The following FGGY variants were observed in gnomAD, a reference collection of about 807,000 sequenced individuals.
The protein encoded by FGGY is FGGY carbohydrate kinase domain containing, also known as FGGY carbohydrate kinase domain-containing protein.
In FGGY, 72 loss-of-function variants were observed where a neutral mutation model predicts 71.3. The ratio of observed to expected loss-of-function variants is 1.01; its 90% CI spans 0.84 to 1.23. FGGY has a LOEUF of 1.23. Among genes scored for constraint, FGGY ranks in the 50% most tolerant of loss-of-function variants. The pLI is 0.00. For synonymous variants in FGGY, 251 were observed against 250.3 expected (o/e 1.00, Z -0.02); for missense variants, 668 against 682.3 (o/e 0.98, Z 0.23).
chr1:59,468,059 A>T (rs1024205569), intron 6 of FGGY, among the ~76,000 whole-genome samples: 12 of 151,998 alleles, frequency 7.9e-5, no homozygotes, highest in African/African-American at 2.9e-4. Flanking sequence ...ATGCGCCACC[A>T]TACCTGGCTA....
intron 14 of FGGY, among the ~76,000 whole-genome samples, chr1:59,751,406 T>C (rs2098244249): frequency 6.6e-6 from 1 of 152,194 alleles, no homozygotes. Context: ...ATTTTGAGTA[T>C]GCATCCTCAG....
Position 59,554,066 on chromosome 1 carries a change from T to C in FGGY, c.800-58T>C, listed in dbSNP as rs1393331865. The C allele has an allele frequency of 6.0e-6, 8 of 1,336,670 alleles. No homozygotes were observed. The Admixed American group carries it at 6.0e-5, about 10-fold the overall frequency. The allele number at this position is 1,336,670 out of a possible 1,614,324, so 82.8% of individuals were successfully genotyped here. A position where few individuals can be genotyped will look rare whatever the true frequency, so the allele number is the denominator to read the frequency against. ...ATTTGTTAATGCTTGTTTTTAGCTT[T>C]CTCTCCCTCTTTTTTTATGTGTTAA... On this transcript the variant is annotated intron_variant, in intron 7 of 15. Transcript: ENST00000303721.
At chr1:59,493,856 T>C (rs1368350058) in intron 6 of FGGY, among the ~76,000 whole-genome samples, 2 of 152,208 alleles carry the variant, frequency 1.3e-5, no homozygotes, top group African/African-American at 4.8e-5. Context: ...TAATTCCACT[T>C]TACATTTATT....
intron 10 of FGGY, among the ~76,000 whole-genome samples, chr1:59,629,210 A>G (rs1340328122): frequency 6.7e-6 from 1 of 149,482 alleles, no homozygotes. Flanking sequence ...GAACTTAAAT[A>G]AAAAATGAAT....
chr1:59,354,692 G>A (rs541767404), intron 4 of FGGY, among the ~76,000 whole-genome samples: 23 of 152,278 alleles, frequency 1.5e-4, no homozygotes, highest in Middle Eastern at 3.4e-3. Context: ...TTTGCTGGGC[G>A]CTGGAGATGC....
At chr1:59,571,070 C>A (rs907292829) in intron 8 of FGGY, among the ~76,000 whole-genome samples, 10 of 152,134 alleles carry the variant, frequency 6.6e-5, no homozygotes, top group Admixed American at 6.5e-4. Context: ...ATCTGTGGAC[C>A]CCTGGGTCCA....
intron 5 of FGGY, among the ~76,000 whole-genome samples, chr1:59,433,078 C>T (rs1164524528): frequency 6.6e-6 from 1 of 152,192 alleles, no homozygotes; most frequent in Non-Finnish European, 1.5e-5. Context: ...CTGGGCGTAT[C>T]CATCAGTTTT....
Position 59,698,803 on chromosome 1 carries a change from G to A in FGGY, c.1512+24670G>A, listed in dbSNP as rs113476050. ...AAAGCGCAGCGCATACATTGAGTGC[G>A]TGTACTTAATTTTTAATATGTGTGT... On this transcript the variant is annotated intron_variant, in intron 14 of 15. Coordinates refer to ENST00000303721, the MANE Select transcript of FGGY (RefSeq NM_018291.5). 56 of 985,346 alleles carry A rather than the reference G, an allele frequency of 5.7e-5. 1 individual carries two copies. In the African/African-American group the frequency reaches 7.7e-4, roughly 14 times the overall value. 61.0% of individuals were successfully genotyped at this position (985,346 alleles called of 1,614,324 possible). A position where few individuals can be genotyped will look rare whatever the true frequency, so the allele number is the denominator to read the frequency against.
intron 4 of FGGY, among the ~76,000 whole-genome samples, chr1:59,356,240 T>G (rs2054288052): frequency 2.0e-5 from 3 of 152,168 alleles, no homozygotes; most frequent in Admixed American, 1.3e-4. Context: ...TTACTTTTCC[T>G]CTAGCAAGCG....
intron 11 of FGGY, among the ~76,000 whole-genome samples, chr1:59,646,624 G>C (rs185421739): frequency 6.6e-5 from 10 of 151,840 alleles, no homozygotes; most frequent in Non-Finnish European, 1.5e-4. Context: ...ATTTTTAATA[G>C]GTACCATTTT....
At chr1:59,647,155 G>C (rs532544563) in intron 11 of FGGY, among the ~76,000 whole-genome samples, 1 of 152,284 alleles carries the variant, frequency 6.6e-6, no homozygotes, top group East Asian at 1.9e-4. Flanking sequence ...AGGAACTAAG[G>C]CCAGAGGACC....
chr1:59,469,163 A>C (rs947230701), intron 6 of FGGY, among the ~76,000 whole-genome samples: 1 of 152,232 alleles, frequency 6.6e-6, no homozygotes, highest in Non-Finnish European at 1.5e-5. Flanking sequence ...AGATTGATTC[A>C]TGAACTCAGA....
intron 14 of FGGY, among the ~76,000 whole-genome samples, chr1:59,731,438 G>A (rs932591955): frequency 2.0e-5 from 3 of 152,164 alleles, no homozygotes; most frequent in African/African-American, 4.8e-5. Flanking sequence ...AGCATGAACC[G>A]AGATGAAGGA....
At chr1:59,351,536 A>G (rs1247504875) in intron 4 of FGGY, among the ~76,000 whole-genome samples, 1 of 152,202 alleles carries the variant, frequency 6.6e-6, no homozygotes, top group Non-Finnish European at 1.5e-5. Context: ...CTGCAGGAGG[A>G]TAGAGATCAT....
chr1:59,383,330 G>A (rs1464227066), intron 5 of FGGY, among the ~76,000 whole-genome samples: 2 of 152,122 alleles, frequency 1.3e-5, no homozygotes. Context: ...CTGCCTAACA[G>A]AATATACATG....
chr1:59,473,634 A>G (rs548652064), intron 6 of FGGY, among the ~76,000 whole-genome samples: 39 of 152,130 alleles, frequency 2.6e-4, no homozygotes, highest in Non-Finnish European at 4.9e-4. Context: ...CAAGGTGGAG[A>G]GGAGTAGTTG....
intron 4 of FGGY, among the ~76,000 whole-genome samples, chr1:59,371,917 A>C (rs2153275757): frequency 6.6e-6 from 1 of 152,366 alleles, no homozygotes; most frequent in East Asian, 1.9e-4. Context: ...CAGTGTGTAG[A>C]GGGAAATTTA....
chr1:59,299,732 C>T (rs2042470596), intron 1 of FGGY, among the ~76,000 whole-genome samples: 2 of 152,162 alleles, frequency 1.3e-5, no homozygotes, highest in Non-Finnish European at 2.9e-5. Context: ...CGCACGTGGC[C>T]CCTGTTGCTG....
intron 5 of FGGY, among the ~76,000 whole-genome samples, chr1:59,383,946 C>T (rs556176860): frequency 6.6e-6 from 1 of 152,186 alleles, no homozygotes; most frequent in Non-Finnish European, 1.5e-5. Flanking sequence ...GAGGCTGTGT[C>T]ACGGGTGCGT....
Sources: allele counts gnomAD v4.1 joint callset (sites outside exome capture counted in the v4.1 genomes callset), GRCh38; gene constraint gnomAD v4.1.1; transcripts MANE v1.5; gene names NCBI Gene and HGNC (gene_info 2026-07-23, HGNC 2026-07-21).